PAK1IP1: variants seen among roughly 807,000 people sequenced by gnomAD.
The protein encoded by PAK1IP1 is p21-activated protein kinase-interacting protein 1.
In PAK1IP1, 24 loss-of-function variants were observed where a neutral mutation model predicts 42.0. The ratio of observed to expected loss-of-function variants is 0.57; its 90% CI spans 0.41 to 0.80. The LOEUF (loss-of-function observed/expected upper bound fraction) is 0.80, where lower values mean the gene tolerates loss of function less well. PAK1IP1 is among the 30% of genes least tolerant of loss of function. The pLI, the probability that PAK1IP1 is intolerant of heterozygous loss-of-function variation, is 0.00. For missense variants in PAK1IP1, 411 were observed against 467.9 expected (o/e 0.88, Z 1.12); for synonymous variants, 154 against 156.7 (o/e 0.98, Z 0.13).
chr6:10,697,273 G>C lies in PAK1IP1; in HGVS notation c.85-51G>C, dbSNP rs748400986. 7 of 1,509,260 alleles carry C rather than the reference G, an allele frequency of 4.6e-6. No homozygotes were observed. The Admixed American group carries it at 1.1e-4, about 23-fold the overall frequency. 93.5% of individuals were successfully genotyped at this position (1,509,260 alleles called of 1,614,324 possible). On this transcript the variant is annotated intron_variant, in intron 1 of 9. Transcript: ENST00000379568. The stretch of plus-strand genomic sequence containing the variant: ...ATGAAAACTACCAGTGGATAGAGTT[G>C]GTAGAACTGTGGTGTGACTGGCATT...
Position 10,702,368 on chromosome 6 carries a change from G to A in PAK1IP1, c.248-1G>A. 6.2e-7 allele frequency: 1 copy of A among 1,613,016 alleles called. No individual in the cohort carries two copies. Among genetic ancestry groups the A allele is most frequent in the Non-Finnish European group, 8.5e-7 (1 of 1,179,240 alleles). On this transcript the variant is annotated splice_acceptor_variant, in intron 2 of 9. Transcript: ENST00000379568. LOFTEE classifies it high-confidence loss of function. ...TTTTGCCTATTTTGGTTTTTCCATA[G>A]GTACAATAACTTGCCTGAAATTCTA...
chr6:10,697,211 T>G, intron 1 of PAK1IP1, 113 bp from the exon 2 acceptor site: 2 of 857,188 alleles, frequency 2.3e-6, no homozygotes, highest in South Asian at 3.9e-5. Context: ...GTGGAATGAT[T>G]TATCTTTTCA....
chr6:10,692,404 T>A (rs1769402423), upstream of PAK1IP1, among the ~76,000 whole-genome samples: 1 of 152,238 alleles, frequency 6.6e-6, no homozygotes, highest in Non-Finnish European at 1.5e-5. Flanking sequence ...AATAATTTGA[T>A]TTTTTGTAAC....
chr6:10,694,236 GGCAAAA>G (rs376891509), upstream of PAK1IP1, among the ~76,000 whole-genome samples: 282 of 142,560 alleles, frequency 2.0e-3, no homozygotes, highest in Non-Finnish European at 2.8e-3. Context: ...CTCCAGCCTG[GGCAAAA>G]AGAGCGAAAC....
intron 7 of PAK1IP1, among the ~76,000 whole-genome samples, chr6:10,706,346 G>A (rs1770204455): frequency 6.6e-6 from 1 of 152,012 alleles, no homozygotes; most frequent in Admixed American, 6.6e-5. Context: ...GGAGAAGACG[G>A]TGGAAGCCAA....
In PAK1IP1 at chr6:10,704,856, A is replaced by G. The variant is rs772521236; in HGVS notation, c.740+12A>G. On this transcript the variant is annotated intron_variant, in intron 7 of 9. Transcript: ENST00000379568. Reference sequence around the variant, plus strand: ...GCTCATGAAAACAGGTATTTTTACCAATCTTTGGTGTATATGTCTAGTCTT... The same window carrying G: ...GCTCATGAAAACAGGTATTTTTACCGATCTTTGGTGTATATGTCTAGTCTT... 6.0e-6 allele frequency: 9 copies of G among 1,506,006 alleles called. No homozygotes were observed. The highest frequency in any genetic ancestry group is 8.3e-6 in the Non-Finnish European group (9 of 1,081,532). 93.3% of individuals were successfully genotyped at this position (1,506,006 alleles called of 1,614,324 possible). A position where few individuals can be genotyped will look rare whatever the true frequency, so the allele number is the denominator to read the frequency against.
chr6:10,694,901 G>GTT, upstream of PAK1IP1: 2 of 812,444 alleles, frequency 2.5e-6, no homozygotes, highest in Admixed American at 2.3e-5. Context: ...AAGGAGTCAG[G>GTT]TGTTTTTTTT....
Position 10,702,436 on chromosome 6 carries a change from C to T in PAK1IP1, c.315C>T (p.Ile105=). The T allele has an allele frequency of 6.2e-7, 1 of 1,613,676 alleles. No homozygotes were observed. The highest frequency in any genetic ancestry group is 8.5e-7 in the Non-Finnish European group (1 of 1,179,634). The stretch of plus-strand genomic sequence containing the variant: ...TCAGTGGAGCGGAAGATGGACTCAT[C>T]TGTATCTGGGATGCAAAGAAATGGG... The part of the protein sequence containing the change: ...HLISGAEDGL[I]CIWDAKKWEC... The change falls in exon 3 of 10, where the codon ATC becomes ATT. Residue 105 remains isoleucine (I), a synonymous_variant. Transcript: ENST00000379568.
rs149772832 is a variant in PAK1IP1 at position 10,697,439 on chromosome 6, A to C, written c.200A>C (p.Tyr67Ser). 8 of 1,614,106 alleles carry C rather than the reference A, an allele frequency of 5.0e-6. No individual in the cohort carries two copies. Among genetic ancestry groups the C allele is most frequent in the Non-Finnish European group, 6.8e-6 (8 of 1,179,954 alleles). Residue 67 changes from tyrosine to serine, a missense_variant, in exon 2 of 10, where the codon TAT becomes TCT. By Grantham distance (144) the Tyr-to-Ser change is moderately radical. Coordinates refer to ENST00000379568, the MANE Select transcript of PAK1IP1 (RefSeq NM_017906.3). ...TGSKDETIHIYDMKKKIEHGA... is the reference protein window; with the variant it reads ...TGSKDETIHISDMKKKIEHGA... ...AGCAAAGATGAAACAATTCACATTT[A>C]TGACATGAAAAAGAAGATTGAGCAT...
upstream of PAK1IP1, among the ~76,000 whole-genome samples, chr6:10,691,549 T>A (rs1769309588): frequency 6.6e-6 from 1 of 151,858 alleles, no homozygotes; most frequent in Non-Finnish European, 1.5e-5. Flanking sequence ...AGGCCCAGAG[T>A]GTGGTGCCGA....
chr6:10,699,376 G>A (rs184998323), intron 2 of PAK1IP1, among the ~76,000 whole-genome samples: 1 of 152,230 alleles, frequency 6.6e-6, no homozygotes, highest in African/African-American at 2.4e-5. Flanking sequence ...TTCTAACGTG[G>A]AACAGCTCTA....
chr6:10,697,420 G>A lies in PAK1IP1; in HGVS notation c.181G>A (p.Asp61Asn). The change falls in exon 2 of 10, where the codon GAT becomes AAT. Residue 61 changes from aspartate (D) to asparagine (N), a missense_variant. Transcript: ENST00000379568. ...TCGTTTTGTGGTCACTGGGAGCAAA[G>A]ATGAAACAATTCACATTTATGACAT... ...NSRFVVTGSK[D>N]ETIHIYDMKK... is the part of the protein sequence containing the mutation. 1 of 1,614,038 alleles carries A rather than the reference G, an allele frequency of 6.2e-7. No homozygotes were observed. The highest frequency in any genetic ancestry group is 8.5e-7 in the Non-Finnish European group (1 of 1,179,900).
chr6:10,708,322 G>A (rs75043876), intron 8 of PAK1IP1, among the ~76,000 whole-genome samples: 4 of 130,738 alleles, frequency 3.1e-5, no homozygotes, highest in African/African-American at 1.4e-4. Context: ...TTTTCACTTC[G>A]TGTATGTTTC....
chr6:10,697,220 C>A, intron 1 of PAK1IP1, 104 bp from the exon 2 acceptor site: 1 of 926,914 alleles, frequency 1.1e-6, no homozygotes, highest in Non-Finnish European at 1.6e-6. Flanking sequence ...TTTATCTTTT[C>A]AGAAACAGAT....
upstream of PAK1IP1, chr6:10,694,945 A>G (rs774544435): frequency 1.1e-5 from 14 of 1,248,478 alleles, no homozygotes; most frequent in Non-Finnish European, 1.6e-5. Context: ...TGTCACCTCC[A>G]GGCTGAGCCG....
intron 4 of PAK1IP1, 61 bp from the exon 5 acceptor site, chr6:10,703,344 C>A: frequency 7.9e-7 from 1 of 1,263,538 alleles, no homozygotes; most frequent in Non-Finnish European, 1.1e-6. Flanking sequence ...TATGCTTGTT[C>A]TTTTACGCTT....
At chr6:10,697,528 T>G in intron 2 of PAK1IP1, 42 bp downstream of exon 2, 1 of 1,425,910 alleles carries the variant, frequency 7.0e-7, no homozygotes, top group Non-Finnish European at 9.7e-7. Context: ...ATAGAGGTTT[T>G]CTTTACAATT....
At position 10,704,576 on chromosome 6, in the gene PAK1IP1, T is replaced by C. The variant is rs141123017; in HGVS notation, c.566T>C (p.Ile189Thr). The C allele has an allele frequency of 2.5e-6, 4 of 1,599,862 alleles. No homozygotes were observed. Among genetic ancestry groups the C allele is most frequent in the African/African-American group, 2.7e-5 (2 of 74,756 alleles). The change falls in exon 6 of 10, where the codon ATC (isoleucine) becomes ACC (threonine). Residue 189 changes from isoleucine to threonine, a missense_variant. Coordinates refer to ENST00000379568, the MANE Select transcript of PAK1IP1 (RefSeq NM_017906.3). The part of the protein sequence containing the change: ...YVVIIQNKID[I>T]YQLDTASISG... ...GTTATCATACAGAATAAAATAGACA[T>C]CTATCAGCTTGACACTGCATCCATT...
chr6:10,697,407 C>G lies in PAK1IP1; in HGVS notation c.168C>G (p.Val56=), dbSNP rs766356680. 2.5e-6 allele frequency: 4 copies of G among 1,613,848 alleles called. No individual in the cohort carries two copies. In the South Asian group the frequency reaches 4.4e-5, roughly 18 times the overall value. Residue 56 remains valine, a synonymous_variant, in exon 2 of 10, where the codon GTC becomes GTG. Coordinates refer to ENST00000379568, the MANE Select transcript of PAK1IP1 (RefSeq NM_017906.3). ...SAVAVNSRFV[V]TGSKDETIHI... Reference sequence around the variant, plus strand: ...TAGCTGTAAATAGTCGTTTTGTGGTCACTGGGAGCAAAGATGAAACAATTC... The same window carrying G: ...TAGCTGTAAATAGTCGTTTTGTGGTGACTGGGAGCAAAGATGAAACAATTC...
Sources: allele counts gnomAD v4.1 joint callset (sites outside exome capture counted in the v4.1 genomes callset), GRCh38; gene constraint gnomAD v4.1.1; transcripts MANE v1.5; gene names NCBI Gene and HGNC (gene_info 2026-07-23, HGNC 2026-07-21).